CTNNA2: variants seen among roughly 807,000 people sequenced by gnomAD.
The protein encoded by CTNNA2 is catenin alpha-2.
CTNNA2 carries 42 observed loss-of-function variants against 101.0 expected under a neutral mutation model. That is an observed-to-expected ratio of 0.42 (90% confidence interval 0.32 to 0.54). The LOEUF (loss-of-function observed/expected upper bound fraction) is 0.54. Among genes scored for constraint, CTNNA2 ranks in the 20% least tolerant of loss-of-function variants. CTNNA2 has a pLI of 0.14. For missense variants in CTNNA2, 871 were observed against 1,223.1 expected (o/e 0.71, Z 4.29); for synonymous variants, 450 against 456.4 (o/e 0.99, Z 0.18).
At chr2:80,639,184 ATG>A (rs1673178831) in intron 18 of CTNNA2, among the ~76,000 whole-genome samples, 1 of 152,110 alleles carries the variant, frequency 6.6e-6, no homozygotes, top group Non-Finnish European at 1.5e-5. Context: ...AGGGATCAGT[ATG>A]TGTTGTAATA....
intron 9 of CTNNA2, among the ~76,000 whole-genome samples, chr2:80,421,908 C>G (rs1224291188): frequency 6.6e-6 from 1 of 150,676 alleles, no homozygotes; most frequent in Non-Finnish European, 1.5e-5. Context: ...GTTTCTGTGT[C>G]TGTAATATGA....
intron 2 of CTNNA2, among the ~76,000 whole-genome samples, chr2:79,215,851 A>AAG (rs1674249420): frequency 6.6e-6 from 1 of 151,444 alleles, no homozygotes; most frequent in African/African-American, 2.4e-5. Flanking sequence ...GTGGAGGAGC[A>AAG]GAGGCTGAGG....
In CTNNA2 at chr2:79,465,315, A is replaced by G. The variant is rs570526822; in HGVS notation, c.-134-39739A>G. ...TTGTAGATGTGTCATATTATTTTTGAGGGCTCTGTTCTGTTCCATTGATCT... is the reference window on the plus strand; with the variant it reads ...TTGTAGATGTGTCATATTATTTTTGGGGGCTCTGTTCTGTTCCATTGATCT... On this transcript the variant is annotated intron_variant, in intron 4 of 21. Coordinates refer to the CTNNA2 transcript ENST00000466387. Among the ~76,000 whole-genome samples, 3 of 152,186 alleles carry G rather than the reference A, an allele frequency of 2.0e-5. No homozygotes were observed. The South Asian group carries it at 6.2e-4, about 32-fold the overall frequency.
intron 11 of CTNNA2, among the ~76,000 whole-genome samples, chr2:80,547,157 C>T (rs1030427155): frequency 1.2e-4 from 18 of 152,232 alleles, no homozygotes; most frequent in South Asian, 8.3e-4. Flanking sequence ...TAATAAATTC[C>T]CACTGGGGCT....
chr2:80,215,515 GC>G (rs1708208092), intron 7 of CTNNA2, among the ~76,000 whole-genome samples: 1 of 152,176 alleles, frequency 6.6e-6, no homozygotes, highest in Non-Finnish European at 1.5e-5. Context: ...GTTGGAGTTT[GC>G]TGGAGGTCGA....
intron 9 of CTNNA2, among the ~76,000 whole-genome samples, chr2:80,452,096 A>C (rs1683567439): frequency 1.3e-5 from 2 of 152,246 alleles, no homozygotes; most frequent in Non-Finnish European, 2.9e-5. Flanking sequence ...AGAACCTAGC[A>C]ACCATACCAC....
intron 1 of CTNNA2, among the ~76,000 whole-genome samples, chr2:79,627,153 G>A (rs1679373874): frequency 1.3e-5 from 2 of 152,156 alleles, no homozygotes; most frequent in African/African-American, 4.8e-5. Flanking sequence ...CAAACATGAA[G>A]GCAAGTGCCA....
intron 2 of CTNNA2, chr2:79,312,688 A>G (rs1198095468): frequency 2.0e-5 from 3 of 152,172 alleles, no homozygotes; most frequent in Non-Finnish European, 4.4e-5. Context: ...CTTAAATAAT[A>G]CTCTTGACCT....
Position 80,066,035 on chromosome 2 carries a change from G to C in CTNNA2, c.1056+156238G>C, listed in dbSNP as rs78719113. The stretch of plus-strand genomic sequence containing the variant: ...GACTAGTACTCCCACTACAGTTTAA[G>C]GGAAAAGCTACTGTGGTAGCCAGTG... On this transcript the variant is annotated intron_variant, in intron 7 of 18. Transcript: ENST00000402739. Among the ~76,000 whole-genome samples, 970 of 152,302 alleles carry C rather than the reference G, an allele frequency of 6.4e-3. 12 individuals are homozygous for C. The highest frequency in any genetic ancestry group is 0.022 in the African/African-American group (927 of 41,558).
chr2:80,612,460 T>C (rs1698542914), intron 17 of CTNNA2, among the ~76,000 whole-genome samples: 1 of 151,564 alleles, frequency 6.6e-6, no homozygotes, highest in Non-Finnish European at 1.5e-5. Flanking sequence ...TGATTTGATA[T>C]TTACTCTTAT....
intron 7 of CTNNA2, among the ~76,000 whole-genome samples, chr2:80,099,516 T>C (rs961928516): frequency 3.3e-5 from 5 of 152,190 alleles, no homozygotes; most frequent in African/African-American, 1.2e-4. Context: ...GAGATGAATT[T>C]ACTTGGGAGA....
At chr2:79,958,975 G>A (rs1025225919) in intron 7 of CTNNA2, among the ~76,000 whole-genome samples, 3 of 151,908 alleles carry the variant, frequency 2.0e-5, no homozygotes, top group Non-Finnish European at 2.9e-5. Context: ...TTGATATTTG[G>A]CATTTCTCTC....
chr2:80,560,442 G>C (rs1693478239), intron 12 of CTNNA2, among the ~76,000 whole-genome samples: 1 of 152,090 alleles, frequency 6.6e-6, no homozygotes. Flanking sequence ...TCTGGGACTT[G>C]GGTTTTTTCC....
At chr2:79,584,426 C>T (rs1676341111) in intron 1 of CTNNA2, among the ~76,000 whole-genome samples, 1 of 150,988 alleles carries the variant, frequency 6.6e-6, no homozygotes, top group Non-Finnish European at 1.5e-5. Flanking sequence ...TTAATATATT[C>T]AGTGTGTTTC....
intron 3 of CTNNA2, among the ~76,000 whole-genome samples, chr2:79,346,667 C>A (rs955147542): frequency 6.6e-6 from 1 of 152,186 alleles, no homozygotes; most frequent in Non-Finnish European, 1.5e-5. Flanking sequence ...ACAGAGATTT[C>A]AAACTTTTTT....
At chr2:79,532,704 T>G (rs1317885655) in intron 1 of CTNNA2, among the ~76,000 whole-genome samples, 2 of 152,244 alleles carry the variant, frequency 1.3e-5, no homozygotes, top group East Asian at 3.9e-4. Context: ...TTTAATCTGC[T>G]CTCTCAGTCT....
intron 7 of CTNNA2, among the ~76,000 whole-genome samples, chr2:80,072,150 A>G (rs959247917): frequency 6.6e-6 from 1 of 152,166 alleles, no homozygotes; most frequent in African/African-American, 2.4e-5. Flanking sequence ...TGATATCTCA[A>G]TGTCTCCCAA....
intron 2 of CTNNA2, among the ~76,000 whole-genome samples, chr2:79,243,477 C>T (rs1245266239): frequency 6.6e-6 from 1 of 152,146 alleles, no homozygotes; most frequent in East Asian, 1.9e-4. Context: ...TCGCCCCTGT[C>T]CTGTTTCAAA....
intron 2 of CTNNA2, among the ~76,000 whole-genome samples, chr2:79,691,748 A>T (rs1217595517): frequency 6.6e-6 from 1 of 152,074 alleles, no homozygotes; most frequent in African/African-American, 2.4e-5. Flanking sequence ...ATTTTGACAA[A>T]CCTGAAAAAA....
Sources: gnomAD v4.1 joint callset for allele counts (sites outside exome capture counted in the v4.1 genomes callset) on GRCh38, gnomAD v4.1.1 for gene constraint, MANE v1.5 for transcripts, NCBI Gene and HGNC (gene_info 2026-07-23, HGNC 2026-07-21) for gene names.